The following RGS12 variants were observed in gnomAD, a reference collection of about 807,000 sequenced individuals.
RGS12 encodes the protein regulator of G protein signaling 12, also known as regulator of G-protein signaling 12.
In RGS12, 66 loss-of-function variants were observed where a neutral mutation model predicts 120.1. The observed-to-expected ratio is 0.55, with a 90% CI of 0.45 to 0.67. The LOEUF (loss-of-function observed/expected upper bound fraction) is 0.67. Among genes scored for constraint, RGS12 ranks in the 30% least tolerant of loss-of-function variants. The pLI, the probability that RGS12 is intolerant of heterozygous loss-of-function variation, is 0.00. For synonymous variants in RGS12, 827 were observed against 804.7 expected (o/e 1.03, Z -0.47); for missense variants, 1,859 against 1,957.7 (o/e 0.95, Z 0.95).
At chr4:3,286,750 C>T in the RGS12 span, among the ~76,000 whole-genome samples, 19 of 152,210 alleles carry the variant, frequency 1.2e-4, no homozygotes, top group Admixed American at 9.8e-4. Flanking sequence ...GTTCCCAGCA[C>T]TTTGTCTCCC....
At chr4:3,334,874 A>G (rs761950905) in intron 2 of RGS12, among the ~76,000 whole-genome samples, 7 of 152,170 alleles carry the variant, frequency 4.6e-5, no homozygotes, top group Non-Finnish European at 1.0e-4. Flanking sequence ...TGACTGGCAC[A>G]TTGAGTCTTG....
At chr4:3,306,717 C>T (rs1723986689) in intron 1 of RGS12, among the ~76,000 whole-genome samples, 2 of 152,112 alleles carry the variant, frequency 1.3e-5, no homozygotes, top group African/African-American at 4.8e-5. Flanking sequence ...AGAGTGGTCC[C>T]GGGTGTCTGA....
chr4:3,324,653 A>C (rs1725441950), intron 2 of RGS12: 1 of 152,380 alleles, frequency 6.6e-6, no homozygotes, highest in African/African-American at 2.4e-5. Context: ...TGTCCACTGC[A>C]GAAATTCTTA....
chr4:3,400,223 G>A (rs1258791381), intron 4 of RGS12, among the ~76,000 whole-genome samples: 2 of 152,220 alleles, frequency 1.3e-5, no homozygotes, highest in African/African-American at 4.8e-5. Context: ...TTTCACTTAT[G>A]AGTAAATATA....
chr4:3,310,691 G>T (rs1724336367), intron 1 of RGS12, among the ~76,000 whole-genome samples: 1 of 152,076 alleles, frequency 6.6e-6, no homozygotes, highest in Admixed American at 6.5e-5. Flanking sequence ...AGGTGGGAGG[G>T]GGGTGCCAGG....
intron 2 of RGS12, among the ~76,000 whole-genome samples, chr4:3,331,518 G>C (rs1392202376): frequency 6.6e-6 from 1 of 152,156 alleles, no homozygotes; most frequent in African/African-American, 2.4e-5. Context: ...CCAATGACAG[G>C]CTCCTTGGAT....
intron 17 of RGS12, among the ~76,000 whole-genome samples, chr4:3,435,840 C>T (rs1337827454): frequency 6.6e-6 from 1 of 152,196 alleles, no homozygotes; most frequent in Non-Finnish European, 1.5e-5. Flanking sequence ...GGCCTACCCC[C>T]ATGTTCCCTC....
chr4:3,311,158 C>T (rs1047946934), intron 1 of RGS12, among the ~76,000 whole-genome samples: 1 of 152,072 alleles, frequency 6.6e-6, no homozygotes, highest in East Asian at 1.9e-4. Flanking sequence ...CTCGGTGCCC[C>T]CAGACTCTCT....
intron 2 of RGS12, among the ~76,000 whole-genome samples, chr4:3,329,697 C>G (rs530906827): frequency 2.6e-5 from 4 of 152,048 alleles, no homozygotes; most frequent in Non-Finnish European, 5.9e-5. Flanking sequence ...TTAGAAATGA[C>G]TGAATTAAAT....
intron 10 of RGS12, among the ~76,000 whole-genome samples, chr4:3,422,000 T>C (rs1269591964): frequency 6.6e-6 from 1 of 151,932 alleles, no homozygotes; most frequent in African/African-American, 2.4e-5. Flanking sequence ...TGGGGAGCTG[T>C]GTATAGAGAG....
chr4:3,380,772 C>A (rs1011343144), intron 3 of RGS12, among the ~76,000 whole-genome samples: 1 of 152,176 alleles, frequency 6.6e-6, no homozygotes, highest in East Asian at 1.9e-4. Context: ...AGCAGGGAGG[C>A]CTTGGGTCCA....
At chr4:3,380,340 C>T (rs112375775) in intron 3 of RGS12, among the ~76,000 whole-genome samples, 5,289 of 152,306 alleles carry the variant, frequency 0.035, 275 homozygotes, top group African/African-American at 0.11. Context: ...TGGCATTGAG[C>T]GTCTGCAGCT....
rs538344266 is a variant in RGS12 at position 3,351,991 on chromosome 4, G to A, written c.1998+8938G>A. The stretch of plus-strand genomic sequence containing the variant: ...CAGATCATGGCCAGAATCAAGCAAG[G>A]GAAAAAAGAGCCAAATCATATACAG... On this transcript the variant is annotated intron_variant, in intron 3 of 17. Transcript: ENST00000336727. Among the ~76,000 whole-genome samples, 9 of 151,800 alleles carry A rather than the reference G, an allele frequency of 5.9e-5. No homozygotes were observed. The South Asian group carries it at 1.7e-3, about 28-fold the overall frequency.
chr4:3,304,206 G>A (rs1027170161), intron 1 of RGS12, among the ~76,000 whole-genome samples: 5 of 152,228 alleles, frequency 3.3e-5, no homozygotes, highest in Non-Finnish European at 5.9e-5. Context: ...AACTATGCAT[G>A]ATGACAAAAT....
At chr4:3,353,986 C>T (rs1560107664) in intron 3 of RGS12, among the ~76,000 whole-genome samples, 1 of 152,140 alleles carries the variant, frequency 6.6e-6, no homozygotes, top group Non-Finnish European at 1.5e-5. Flanking sequence ...CTATTGATGA[C>T]ACATGCCTTG....
In RGS12 at chr4:3,313,404, G is replaced by GT. The variant is rs200978851; in HGVS notation, c.-101-2665dup. ...CCGGGAACAGCAGCACCTTTGTTGT[G>GT]TGACAGATGCTTTTCTGAGCGTGCT... On this transcript the variant is annotated intron_variant, in intron 1 of 17. Coordinates refer to ENST00000336727, the MANE Select transcript of RGS12 (RefSeq NM_001394154.1). 2.0e-4 allele frequency among the ~76,000 whole-genome samples: 31 copies of GT among 152,342 alleles called. No homozygotes were observed. In the South Asian group the frequency reaches 3.5e-3, roughly 17 times the overall value.
intron 4 of RGS12, among the ~76,000 whole-genome samples, chr4:3,393,715 C>T (rs1167236934): frequency 6.6e-6 from 1 of 152,250 alleles, no homozygotes; most frequent in African/African-American, 2.4e-5. Context: ...TACTATTCTA[C>T]TGTCTGGCAG....
chr4:3,378,018 T>C (rs1400600822), intron 3 of RGS12, among the ~76,000 whole-genome samples: 1 of 152,240 alleles, frequency 6.6e-6, no homozygotes, highest in Non-Finnish European at 1.5e-5. Context: ...TTTGTGGCTG[T>C]ACTTTTTTTG....
At chr4:3,380,665 T>G (rs1362904450) in intron 3 of RGS12, among the ~76,000 whole-genome samples, 1 of 152,240 alleles carries the variant, frequency 6.6e-6, no homozygotes, top group Admixed American at 6.5e-5. Context: ...GCTTTCACCC[T>G]CTGAAGCAAT....
Sources: gnomAD v4.1 joint callset for allele counts (sites outside exome capture counted in the v4.1 genomes callset) on GRCh38, gnomAD v4.1.1 for gene constraint, MANE v1.5 for transcripts, NCBI Gene and HGNC (gene_info 2026-07-23, HGNC 2026-07-21) for gene names.